JAM3: variants seen among roughly 807,000 people sequenced by gnomAD.
The protein encoded by JAM3 is junctional adhesion molecule C.
In JAM3, 31 loss-of-function variants were observed where a neutral mutation model predicts 39.4. That is an observed-to-expected ratio of 0.79 (90% CI 0.59 to 1.06). The LOEUF is 1.06. Among genes scored for constraint, JAM3 ranks in the 50% least tolerant of loss-of-function variants. The pLI, the probability that JAM3 is intolerant of heterozygous loss-of-function variation, is 0.00. For missense variants in JAM3, 455 were observed against 391.4 expected (o/e 1.16, Z -1.37); for synonymous variants, 182 against 148.7 (o/e 1.22, Z -1.63).
intron 1 of JAM3, among the ~76,000 whole-genome samples, chr11:134,120,666 G>A (rs1016480082): frequency 6.6e-6 from 1 of 152,122 alleles, no homozygotes; most frequent in African/African-American, 2.4e-5. Flanking sequence ...ACTACCACAA[G>A]GAAAGAGGAC....
intron 1 of JAM3, among the ~76,000 whole-genome samples, chr11:134,128,086 GAAA>G (rs1404492864): frequency 6.6e-6 from 1 of 151,848 alleles, no homozygotes; most frequent in African/African-American, 2.4e-5. Flanking sequence ...AAAAGGAAAA[GAAA>G]GAAAAAAGAA....
intron 1 of JAM3, among the ~76,000 whole-genome samples, chr11:134,123,004 C>T (rs1942565403): frequency 6.6e-6 from 1 of 152,184 alleles, no homozygotes; most frequent in Non-Finnish European, 1.5e-5. Context: ...GAATTCAACT[C>T]TCAGCTAACT....
At chr11:134,124,820 A>G (rs1371184816) in intron 1 of JAM3, among the ~76,000 whole-genome samples, 1 of 152,216 alleles carries the variant, frequency 6.6e-6, no homozygotes, top group Non-Finnish European at 1.5e-5. Context: ...GTCAGCGAAA[A>G]CGCTGTGCTG....
chr11:134,145,013 G>A lies in JAM3; in HGVS notation c.612+19G>A. On this transcript the variant is annotated intron_variant, in intron 5 of 8. Coordinates refer to ENST00000299106, the MANE Select transcript of JAM3 (RefSeq NM_032801.5). ...CACTTTGGTAAGATCTCTTCTAAGA[G>A]GTGAGGATGGAGATGTCTTTGTTGG... The A allele has an allele frequency of 3.2e-6, 5 of 1,579,126 alleles. No individual in the cohort carries two copies. The highest frequency in any genetic ancestry group is 1.7e-4 in the Middle Eastern group (1 of 5,982).
chr11:134,148,119 G>C (rs1450492222), intron 6 of JAM3: 2 of 238,940 alleles, frequency 8.4e-6, no homozygotes, highest in African/African-American at 2.3e-5. Context: ...TTTAAGGCTT[G>C]AAGCTACCTT....
At chr11:134,134,398 C>CAAAAAAAAAAAAAAAAAAAAAAAAAAAAA (rs34729848) in intron 1 of JAM3, among the ~76,000 whole-genome samples, 3 of 31,922 alleles carry the variant, frequency 9.4e-5, no homozygotes, top group Non-Finnish European at 1.6e-4. Flanking sequence ...GGATAAATGC[C>CAAAAAAAAAAAAAAAAAAAAAAAAAAAAA]AAAAAAAAAA....
At chr11:134,146,501 G>A (rs755884218) in intron 6 of JAM3, among the ~76,000 whole-genome samples, 5 of 152,014 alleles carry the variant, frequency 3.3e-5, no homozygotes, top group Non-Finnish European at 7.4e-5. Flanking sequence ...ATGGAGGGGC[G>A]TTGAGAGGAG....
chr11:134,124,095 ACTAT>A (rs1255323586), intron 1 of JAM3: 1 of 1,489,494 alleles, frequency 6.7e-7, no homozygotes, highest in Non-Finnish European at 9.4e-7. Context: ...CCAATCATCT[ACTAT>A]CTGATTAGGG....
chr11:134,097,186 AATGTG>A (rs779421893), intron 1 of JAM3, among the ~76,000 whole-genome samples: 17 of 152,130 alleles, frequency 1.1e-4, no homozygotes, highest in Non-Finnish European at 2.4e-4. Flanking sequence ...GGCAATAGTG[AATGTG>A]TTTTGATTAC....
At chr11:134,123,520 AG>A (rs1337634593) in intron 1 of JAM3, among the ~76,000 whole-genome samples, 2 of 152,242 alleles carry the variant, frequency 1.3e-5, no homozygotes, top group East Asian at 3.8e-4. Context: ...ATTTTGAAAA[AG>A]TTTAAAAAGA....
chr11:134,101,843 G>A (rs1372030667), intron 1 of JAM3, among the ~76,000 whole-genome samples: 1 of 152,116 alleles, frequency 6.6e-6, no homozygotes, highest in Non-Finnish European at 1.5e-5. Flanking sequence ...GAGGTGAGAG[G>A]ATTGCCTGAG....
At chr11:134,097,011 G>T (rs114778364) in intron 1 of JAM3, among the ~76,000 whole-genome samples, 1,872 of 152,226 alleles carry the variant, frequency 0.012, 35 homozygotes, top group African/African-American at 0.042. Context: ...TGCAGTGGTG[G>T]TGTGTTTTGG....
At chr11:134,146,752 A>AC (rs1565506664) in intron 6 of JAM3, among the ~76,000 whole-genome samples, 2 of 152,090 alleles carry the variant, frequency 1.3e-5, no homozygotes, top group African/African-American at 4.8e-5. Flanking sequence ...TTTTGTAGAT[A>AC]CGGGGTCTCA....
chr11:134,069,403 G>T (rs897591711), intron 1 of JAM3, among the ~76,000 whole-genome samples: 8 of 152,160 alleles, frequency 5.3e-5, no homozygotes, highest in Non-Finnish European at 1.0e-4. Context: ...GCTAATTTGG[G>T]ATGGGGGGCC....
At chr11:134,142,974 C>T (rs1035969466) in intron 3 of JAM3, among the ~76,000 whole-genome samples, 1 of 152,146 alleles carries the variant, frequency 6.6e-6, no homozygotes, top group South Asian at 2.1e-4. Context: ...TGTAGATATA[C>T]CACATTATTT....
chr11:134,124,363 G>T, intron 1 of JAM3: 1 of 692,840 alleles, frequency 1.4e-6, no homozygotes, highest in Non-Finnish European at 2.6e-6. Context: ...GCGTGTGAGT[G>T]TGATGGGAAA....
rs534097359 is a variant in JAM3, at chr11:134,124,020, G to T, written c.77-15831G>T. ...CAGCACAGGTGCCCTTCCCAATCCC[G>T]CAACACAAGGCACTGCAACACAGCC... On this transcript the variant is annotated intron_variant, in intron 1 of 8. Transcript: ENST00000299106. The T allele has an allele frequency of 5.7e-5, 83 of 1,457,180 alleles. 1 individual carries two copies. Among genetic ancestry groups the T allele is most frequent in the South Asian group, 3.5e-4 (31 of 87,830 alleles). The allele number at this position is 1,457,180 out of a possible 1,614,324, so 90.3% of individuals were successfully genotyped here. A position where few individuals can be genotyped will look rare whatever the true frequency, so the allele number is the denominator to read the frequency against.
Position 134,150,138 on chromosome 11 carries a change from G to A in JAM3, c.*957G>A, listed in dbSNP as rs2120406446. ...TCCTCTCATGGAAGTTTACTGTGAT[G>A]TTCCTTTTCTCACACAAGTTTTAGC... is the stretch of plus-strand genomic sequence containing the variant. On this transcript the variant is annotated 3_prime_UTR_variant, in exon 9 of 9. Transcript: ENST00000299106. The A allele has an allele frequency of 6.5e-6, 1 of 153,826 alleles. No individual in the cohort carries two copies. The highest frequency in any genetic ancestry group is 1.4e-5 in the Non-Finnish European group (1 of 69,188). The allele number at this position is 153,826 out of a possible 1,614,324, so 9.5% of individuals were successfully genotyped here.
intron 1 of JAM3, among the ~76,000 whole-genome samples, chr11:134,085,330 A>G (rs1294128264): frequency 6.6e-6 from 1 of 152,222 alleles, no homozygotes; most frequent in Non-Finnish European, 1.5e-5. Context: ...AAAATTAACC[A>G]TGCTAAAGGG....
Sources: gnomAD v4.1 joint callset for allele counts (sites outside exome capture counted in the v4.1 genomes callset) on GRCh38, gnomAD v4.1.1 for gene constraint, MANE v1.5 for transcripts, NCBI Gene and HGNC (gene_info 2026-07-23, HGNC 2026-07-21) for gene names.